PTPRD: variants seen among roughly 807,000 people sequenced by gnomAD.
PTPRD encodes receptor-type tyrosine-protein phosphatase delta.
In PTPRD, 34 loss-of-function variants were observed where a neutral mutation model predicts 214.5. The observed-to-expected ratio is 0.16, with a 90% CI of 0.12 to 0.21. The LOEUF (loss-of-function observed/expected upper bound fraction) is 0.21. PTPRD is among the 10% of genes least tolerant of loss of function. The pLI is 1.00. For missense variants in PTPRD, 2,545 were observed against 2,398.7 expected, an observed-to-expected ratio of 1.06 and a Z score of -1.27; for synonymous variants, 1,128 against 845.7, an observed-to-expected ratio of 1.33 and a Z score of -5.79.
intron 3 of PTPRD, among the ~76,000 whole-genome samples, chr9:10,326,461 T>A (rs1050361250): frequency 1.3e-5 from 2 of 151,762 alleles, no homozygotes; most frequent in Admixed American, 1.3e-4. Flanking sequence ...TTAGATATTA[T>A]GAAATATGCT....
intron 3 of PTPRD, among the ~76,000 whole-genome samples, chr9:10,177,668 G>C (rs2099257539): frequency 6.6e-6 from 1 of 151,912 alleles, no homozygotes; most frequent in Admixed American, 6.6e-5. Flanking sequence ...TGGAGATATA[G>C]TTTAAAGGGT....
At chr9:9,242,551 T>C (rs996583787) in intron 9 of PTPRD, among the ~76,000 whole-genome samples, 55 of 152,128 alleles carry the variant, frequency 3.6e-4, no homozygotes, top group Non-Finnish European at 6.9e-4. Flanking sequence ...TTTTTATTCT[T>C]TTTTCTCTAA....
At chr9:9,992,406 T>C (rs1348165809) in intron 4 of PTPRD, among the ~76,000 whole-genome samples, 1 of 152,178 alleles carries the variant, frequency 6.6e-6, no homozygotes, top group Non-Finnish European at 1.5e-5. Context: ...TCCTCAAGGA[T>C]CTAGAACTAG....
At chr9:8,635,709 G>C (rs1362212314) in intron 13 of PTPRD, among the ~76,000 whole-genome samples, 1 of 152,074 alleles carries the variant, frequency 6.6e-6, no homozygotes, top group East Asian at 1.9e-4. Flanking sequence ...TCATGAAGGA[G>C]ATTAGAAACT....
chr9:9,978,182 A>G (rs1371302923), intron 4 of PTPRD, among the ~76,000 whole-genome samples: 1 of 152,128 alleles, frequency 6.6e-6, no homozygotes, highest in Non-Finnish European at 1.5e-5. Context: ...GAAAACCAAC[A>G]AAAAAGAGTG....
chr9:9,529,286 AATAAATGG>A (rs1309652851), intron 8 of PTPRD, among the ~76,000 whole-genome samples: 2 of 151,696 alleles, frequency 1.3e-5, no homozygotes, highest in Non-Finnish European at 2.9e-5. Context: ...AAAAAAAAAT[AATAAATGG>A]ATTCATTAAA....
chr9:9,867,037 T>C (rs1401721563), intron 5 of PTPRD, among the ~76,000 whole-genome samples: 2 of 152,132 alleles, frequency 1.3e-5, no homozygotes, highest in African/African-American at 2.4e-5. Flanking sequence ...GACTGGAAGT[T>C]TTCTCTATAT....
intron 2 of PTPRD, among the ~76,000 whole-genome samples, chr9:10,449,749 C>T (rs2098827135): frequency 6.6e-6 from 1 of 151,812 alleles, no homozygotes; most frequent in African/African-American, 2.4e-5. Flanking sequence ...GTGTACCCAA[C>T]AGCTCATTGA....
chr9:8,450,020 T>C (rs1384837478), intron 33 of PTPRD, among the ~76,000 whole-genome samples, 183 bp from the exon 34 acceptor site: 1 of 152,056 alleles, frequency 6.6e-6, no homozygotes, highest in African/African-American at 2.4e-5. Flanking sequence ...TTCTCTCAGG[T>C]CTAAAATTTT....
chr9:8,886,853 C>T (rs895360783), intron 11 of PTPRD, among the ~76,000 whole-genome samples: 2 of 152,200 alleles, frequency 1.3e-5, no homozygotes, highest in African/African-American at 4.8e-5. Context: ...GTTGTCAGGC[C>T]ATGCTTCATT....
intron 10 of PTPRD, among the ~76,000 whole-genome samples, chr9:9,115,936 G>A (rs777422450): frequency 2.6e-5 from 4 of 152,106 alleles, no homozygotes; most frequent in Non-Finnish European, 4.4e-5. Flanking sequence ...GTGTATAGCT[G>A]GAGGCCCTTA....
intron 7 of PTPRD, among the ~76,000 whole-genome samples, chr9:9,582,223 A>C (rs1244708459): frequency 6.6e-6 from 1 of 152,116 alleles, no homozygotes; most frequent in Admixed American, 6.6e-5. Context: ...CAATGCCATA[A>C]GATTAAGTTC....
At chr9:9,555,541 T>G (rs1342538039) in intron 8 of PTPRD, among the ~76,000 whole-genome samples, 1 of 152,098 alleles carries the variant, frequency 6.6e-6, no homozygotes, top group African/African-American at 2.4e-5. Flanking sequence ...ACTTCATATA[T>G]TGTGCCACTA....
chr9:8,894,061 T>A (rs1313495206), intron 11 of PTPRD, among the ~76,000 whole-genome samples: 1 of 151,922 alleles, frequency 6.6e-6, no homozygotes, highest in African/African-American at 2.4e-5. Flanking sequence ...GCAATAAGAA[T>A]AACCAATCTA....
At chr9:9,226,507 G>A (rs1469086911) in intron 9 of PTPRD, among the ~76,000 whole-genome samples, 6 of 151,850 alleles carry the variant, frequency 4.0e-5, no homozygotes, top group Admixed American at 2.0e-4. Flanking sequence ...ATGGGCAGAA[G>A]GTGACAAGTG....
chr9:10,540,718 TC>T (rs1379029760), intron 2 of PTPRD, among the ~76,000 whole-genome samples: 1 of 152,196 alleles, frequency 6.6e-6, no homozygotes, highest in African/African-American at 2.4e-5. Context: ...AATTTTTGTT[TC>T]TTTATTTGTT....
intron 5 of PTPRD, among the ~76,000 whole-genome samples, chr9:9,780,477 T>C (rs1264780621): frequency 2.0e-5 from 3 of 152,194 alleles, no homozygotes; most frequent in African/African-American, 4.8e-5. Context: ...AGAAGATATA[T>C]AGATAACAAA....
At chr9:9,390,657 C>A (rs964695245) in intron 9 of PTPRD, among the ~76,000 whole-genome samples, 3 of 152,132 alleles carry the variant, frequency 2.0e-5, no homozygotes, top group Non-Finnish European at 4.4e-5. Flanking sequence ...CTCATTACAA[C>A]TTTTAGTACA....
intron 2 of PTPRD, among the ~76,000 whole-genome samples, chr9:10,494,647 A>G (rs2132886472): frequency 6.6e-6 from 1 of 150,464 alleles, no homozygotes; most frequent in East Asian, 1.9e-4. Context: ...CACTCTAACA[A>G]ATTGTTTTTA....
Sources: allele counts gnomAD v4.1 joint callset (sites outside exome capture counted in the v4.1 genomes callset), GRCh38; gene constraint gnomAD v4.1.1; transcripts MANE v1.5; gene names NCBI Gene and HGNC (gene_info 2026-07-23, HGNC 2026-07-21).